The following MRPL32 variants were observed in gnomAD, a reference collection of about 807,000 sequenced individuals.
MRPL32 encodes large ribosomal subunit protein bL32m.
MRPL32 carries 14 observed loss-of-function variants against 21.7 expected under a neutral mutation model. That is an observed-to-expected ratio of 0.64 (90% CI 0.43 to 1.01). MRPL32 has a LOEUF of 1.01. MRPL32 is among the 50% of genes least tolerant of loss of function. MRPL32 has a pLI of 0.00. For synonymous variants in MRPL32, 83 were observed against 87.7 expected, an observed-to-expected ratio of 0.95 and a Z score of 0.30; for missense variants, 211 against 235.9, an observed-to-expected ratio of 0.89 and a Z score of 0.69.
rs771949380 is a variant in MRPL32, at chr7:42,934,940, T to C, written c.131-15T>C. Reference sequence around the variant, plus strand: ...CTAGAAACTAATTCTGTATCTCTTATGTTTTATTTCCTAGGACCAGCATTA... The same window carrying C: ...CTAGAAACTAATTCTGTATCTCTTACGTTTTATTTCCTAGGACCAGCATTA... On this transcript the variant is annotated splice_polypyrimidine_tract_variant and intron_variant, in intron 1 of 2. Transcript: ENST00000223324. 27 of 1,539,402 alleles carry C rather than the reference T, an allele frequency of 1.8e-5. No individual in the cohort carries two copies. Among genetic ancestry groups the C allele is most frequent in the South Asian group, 6.2e-5 (5 of 80,104 alleles).
At chr7:42,936,108 G>T (rs546888152) in intron 2 of MRPL32, 1 of 152,160 alleles carries the variant, frequency 6.6e-6, no homozygotes, top group Non-Finnish European at 1.5e-5. Flanking sequence ...TTGAGTGATG[G>T]TTGGGGCTGA....
chr7:42,937,001 C>G (rs1184437988), intron 2 of MRPL32: 8 of 385,572 alleles, frequency 2.1e-5, no homozygotes, highest in Non-Finnish European at 3.5e-5. Flanking sequence ...TTGACAAATT[C>G]CTTATTTGAT....
At chr7:42,933,188 T>A (rs1039403714) in intron 1 of MRPL32, among the ~76,000 whole-genome samples, 1 of 152,136 alleles carries the variant, frequency 6.6e-6, no homozygotes, top group Non-Finnish European at 1.5e-5. Context: ...CGGGACCTAC[T>A]ATCGGGGTAT....
At chr7:42,935,239 T>C in intron 2 of MRPL32, 103 bp downstream of exon 2, 1 of 950,240 alleles carries the variant, frequency 1.1e-6, no homozygotes, top group Non-Finnish European at 1.6e-6. Flanking sequence ...TCAGATTATA[T>C]GTGTCTACTT....
At chr7:42,935,868 GACA>G (rs1786414945) in intron 2 of MRPL32, 3 of 152,064 alleles carry the variant, frequency 2.0e-5, no homozygotes, top group Admixed American at 1.3e-4. Flanking sequence ...TCTCCTCGCT[GACA>G]ACATGGATGT....
At chr7:42,933,211 A>G (rs1389145328) in intron 1 of MRPL32, among the ~76,000 whole-genome samples, 2 of 152,140 alleles carry the variant, frequency 1.3e-5, no homozygotes, top group East Asian at 3.9e-4. Flanking sequence ...TGGCCAAAAT[A>G]AATAGGAAAT....
Position 42,933,186 on chromosome 7 carries a change from A to G in MRPL32, c.130+670A>G, listed in dbSNP as rs541563374. Among the ~76,000 whole-genome samples, 6 of 152,246 alleles carry G rather than the reference A, an allele frequency of 3.9e-5. No individual in the cohort carries two copies. In the South Asian group the frequency reaches 8.3e-4, roughly 21 times the overall value. ...AATGCTCTAAGGGAGTTCGGGACCT[A>G]CTATCGGGGTATGTTGGCCAAAATA... On this transcript the variant is annotated intron_variant, in intron 1 of 2. Transcript: ENST00000223324.
chr7:42,937,156 G>T, intron 2 of MRPL32, 166 bp from the exon 3 acceptor site: 1 of 1,527,988 alleles, frequency 6.5e-7, no homozygotes. Flanking sequence ...AGTGTTGCTT[G>T]TCTTCAGTCT....
chr7:42,932,903 C>T (rs1047313187), intron 1 of MRPL32, among the ~76,000 whole-genome samples: 2 of 151,928 alleles, frequency 1.3e-5, no homozygotes, highest in Non-Finnish European at 2.9e-5. Context: ...GGAGAATGAG[C>T]GAGGCGGGAG....
At chr7:42,934,094 C>A (rs1210040201) in intron 1 of MRPL32, among the ~76,000 whole-genome samples, 1 of 152,006 alleles carries the variant, frequency 6.6e-6, no homozygotes, top group Admixed American at 6.6e-5. Context: ...CATTGTGAAA[C>A]CCTGTCTCTA....
At chr7:42,932,664 C>A in intron 1 of MRPL32, 148 bp downstream of exon 1, 1 of 772,736 alleles carries the variant, frequency 1.3e-6, no homozygotes, top group Non-Finnish European at 1.8e-6. Context: ...CCCATATTAG[C>A]GAGAACAGAA....
Position 42,935,103 on chromosome 7 carries a change from G to A in MRPL32, c.279G>A (p.Arg93=). ...NRRTIEVNRC[R]RRNPQKLIKV... is the part of the protein sequence containing the mutation. ...GCACCATTGAAGTTAACCGGTGTAGGAGAAGAAATCCGCAGAAGCTTATTA... is the reference window on the plus strand; with the variant it reads ...GCACCATTGAAGTTAACCGGTGTAGAAGAAGAAATCCGCAGAAGCTTATTA... The change falls in exon 2 of 3, where the codon AGG becomes AGA. Residue 93 remains arginine (R), a synonymous_variant. Coordinates refer to ENST00000223324, the MANE Select transcript of MRPL32 (RefSeq NM_031903.3). 6.2e-7 allele frequency: 1 copy of A among 1,612,750 alleles called. No homozygotes were observed. Among genetic ancestry groups the A allele is most frequent in the Non-Finnish European group, 8.5e-7 (1 of 1,179,726 alleles).
Position 42,932,512 on chromosome 7 carries a change from G to C in MRPL32, c.126G>C (p.Pro42=), listed in dbSNP as rs778441099. ...PQSRPGFPSP[P]WGPALAVQGP... ...GCCGGCCGGGCTTTCCCAGTCCTCC[G>C]TGGGGTAGGTAAAGAAGGGCTCCGT... is the stretch of plus-strand genomic sequence containing the variant. The change falls in exon 1 of 3, where the codon CCG becomes CCC. Residue 42 remains proline (P), a synonymous_variant. Transcript: ENST00000223324. The C allele has an allele frequency of 1.3e-4, 214 of 1,603,184 alleles. No individual in the cohort carries two copies. Among genetic ancestry groups the C allele is most frequent in the Non-Finnish European group, 1.6e-4 (193 of 1,172,520 alleles).
At position 42,937,415 on chromosome 7, in the gene MRPL32, G is replaced by A. The variant is rs775745596; in HGVS notation, c.406G>A (p.Glu136Lys). The change falls in exon 3 of 3, where the codon GAA becomes AAA. Residue 136 changes from glutamate (E) to lysine (K), a missense_variant. Transcript: ENST00000223324. ...TGAAAAGGTGTGCAAGGAGACTGCAGAAATCAGACGACAGATAGGGAAGCA... is the reference window on the plus strand; with the variant it reads ...TGAAAAGGTGTGCAAGGAGACTGCAAAAATCAGACGACAGATAGGGAAGCA... ...CYEKVCKETA[E>K]IRRQIGKQEG... 1.9e-6 allele frequency: 3 copies of A among 1,614,194 alleles called. No individual in the cohort carries two copies. The highest frequency in any genetic ancestry group is 2.5e-6 in the Non-Finnish European group (3 of 1,180,028).
At chr7:42,932,659 A>G in intron 1 of MRPL32, 143 bp downstream of exon 1, 3 of 815,902 alleles carry the variant, frequency 3.7e-6, no homozygotes, top group Non-Finnish European at 5.2e-6. Context: ...ACATTCCCAT[A>G]TTAGCGAGAA....
At position 42,937,431 on chromosome 7, in the gene MRPL32, T is replaced by C. The variant is rs767576639; in HGVS notation, c.422T>C (p.Ile141Thr). 2 of 1,613,970 alleles carry C rather than the reference T, an allele frequency of 1.2e-6. No homozygotes were observed. The highest frequency in any genetic ancestry group is 2.7e-5 in the African/African-American group (2 of 74,900). The change falls in exon 3 of 3, where the codon ATA becomes ACA. Residue 141 changes from isoleucine to threonine, a missense_variant. Physicochemically the swap from Ile to Thr is moderately conservative, Grantham distance 89 (BLOSUM62 -1). Around this residue, in one of 2 missense-constraint regions of MRPL32, gnomAD observed 130 missense variants for 180.1 expected, o/e 0.72. Coordinates refer to ENST00000223324, the MANE Select transcript of MRPL32 (RefSeq NM_031903.3). Reference protein sequence around the residue: ...CKETAEIRRQIGKQEGGPFKA... With the variant: ...CKETAEIRRQTGKQEGGPFKA... ...GAGACTGCAGAAATCAGACGACAGATAGGGAAGCAAGAAGGGGGCCCTTTT... is the reference window on the plus strand; with the variant it reads ...GAGACTGCAGAAATCAGACGACAGACAGGGAAGCAAGAAGGGGGCCCTTTT...
chr7:42,932,598 C>G, intron 1 of MRPL32, 82 bp downstream of exon 1: 2 of 1,424,612 alleles, frequency 1.4e-6, no homozygotes, highest in Non-Finnish European at 1.9e-6. Context: ...ACACAGTTCG[C>G]CCTCAGCCCC....
Position 42,934,977 on chromosome 7 carries a change from C to A in MRPL32, c.153C>A (p.Gly51=). ...TAGGACCAGCATTAGCAGTACAGGG[C>A]CCAGCCATGTTTACAGAGCCAGCAA... The part of the protein sequence containing the change: ...PPWGPALAVQ[G]PAMFTEPAND... Residue 51 remains glycine, a synonymous_variant, in exon 2 of 3, where the codon GGC becomes GGA. Transcript: ENST00000223324. The A allele has an allele frequency of 6.2e-7, 1 of 1,612,068 alleles. No individual in the cohort carries two copies.
At chr7:42,934,267 C>A (rs1223257280) in intron 1 of MRPL32, among the ~76,000 whole-genome samples, 22 of 124,840 alleles carry the variant, frequency 1.8e-4, no homozygotes, top group Admixed American at 3.2e-4. Flanking sequence ...GACTCAGTCT[C>A]AAAAAAAAAA....
Sources: gnomAD v4.1 joint callset for allele counts (sites outside exome capture counted in the v4.1 genomes callset) on GRCh38, gnomAD v4.1.1 for gene constraint, gnomAD v4.1.1 regional missense constraint, MANE v1.5 for transcripts, NCBI Gene and HGNC (gene_info 2026-07-23, HGNC 2026-07-21) for gene names.